ARMH3: variants seen among roughly 807,000 people sequenced by gnomAD.
ARMH3 encodes the protein armadillo like helical domain containing 3.
In ARMH3, 60 loss-of-function variants were observed where a neutral mutation model predicts 99.1. The ratio of observed to expected loss-of-function variants is 0.61; its 90% confidence interval spans 0.49 to 0.75. The LOEUF (loss-of-function observed/expected upper bound fraction) is 0.75, where lower values mean the gene tolerates loss of function less well. Ranked by LOEUF, ARMH3 falls within the 30% of genes least tolerant of loss-of-function variation. The pLI, the probability that ARMH3 is intolerant of heterozygous loss-of-function variation, is 0.00. For missense variants in ARMH3, 679 were observed against 843.1 expected, an observed-to-expected ratio of 0.81 and a Z score of 2.41; for synonymous variants, 285 against 292.8, an observed-to-expected ratio of 0.97 and a Z score of 0.27.
At chr10:101,951,475 A>G (rs890871647) in intron 22 of ARMH3, among the ~76,000 whole-genome samples, 1 of 152,218 alleles carries the variant, frequency 6.6e-6, no homozygotes, top group Non-Finnish European at 1.5e-5. Context: ...CAGGAGGCCA[A>G]GGTGGGAGGA....
In ARMH3 at chr10:102,016,250, C is replaced by G. The variant is rs117087097; in HGVS notation, c.670-2226G>C. Among the ~76,000 whole-genome samples, 410 of 152,308 alleles carry G rather than the reference C, an allele frequency of 2.7e-3. 2 individuals are homozygous for G. Among genetic ancestry groups the G allele is most frequent in the Non-Finnish European group, 4.4e-3 (300 of 68,032 alleles). ...TGTTAAGCATCCCTAATCCAAAAATCTGAAATACTCCAATGAGCACTTCCT... is the reference window on the plus strand; with the variant it reads ...TGTTAAGCATCCCTAATCCAAAAATGTGAAATACTCCAATGAGCACTTCCT... On this transcript the variant is annotated intron_variant, in intron 8 of 25. Coordinates refer to ENST00000370033, the MANE Select transcript of ARMH3 (RefSeq NM_024541.3).
At chr10:101,942,865 C>CA (rs1048644026) in intron 22 of ARMH3, among the ~76,000 whole-genome samples, 983 of 90,950 alleles carry the variant, frequency 0.011, 11 homozygotes, top group African/African-American at 0.034. Flanking sequence ...GACTCCATCT[C>CA]AAAAAAAAAA....
intron 16 of ARMH3, among the ~76,000 whole-genome samples, chr10:101,995,094 G>C (rs1368539077): frequency 6.6e-6 from 1 of 152,204 alleles, no homozygotes; most frequent in Non-Finnish European, 1.5e-5. Context: ...AAACAGCGTG[G>C]AAGCAGACAA....
intron 1 of ARMH3, among the ~76,000 whole-genome samples, chr10:102,044,091 CTTTTTTTTTT>C (rs778226635): frequency 2.9e-5 from 3 of 104,124 alleles, no homozygotes; most frequent in African/African-American, 1.1e-4. Flanking sequence ...TAATTTTTTT[CTTTTTTTTTT>C]TTTTTTTTTG....
intron 13 of ARMH3, among the ~76,000 whole-genome samples, chr10:102,008,718 A>T (rs903080962): frequency 2.0e-5 from 3 of 146,986 alleles, no homozygotes; most frequent in Admixed American, 1.4e-4. Context: ...ACGCCCAGCT[A>T]TTTTTTTTTT....
At chr10:102,005,380 CAAAAAAA>C (rs11344018) in intron 14 of ARMH3, among the ~76,000 whole-genome samples, 1 of 64,904 alleles carries the variant, frequency 1.5e-5, no homozygotes, top group African/African-American at 6.0e-5. Flanking sequence ...GACTCTGTCT[CAAAAAAA>C]AAAAAAAAAA....
chr10:101,984,774 T>C (rs928977084), intron 19 of ARMH3, among the ~76,000 whole-genome samples: 1 of 151,968 alleles, frequency 6.6e-6, no homozygotes, highest in African/African-American at 2.4e-5. Flanking sequence ...CTTAAAAATA[T>C]ATATATATAC....
chr10:101,913,359 CTCTTTTTTTTTTTT>C (rs1842946257), intron 23 of ARMH3: 1 of 101,930 alleles, frequency 9.8e-6, no homozygotes, highest in African/African-American at 3.6e-5. Flanking sequence ...CTCTCTCTCT[CTCTTTTTTTTTTTT>C]TTTTTTTTTT....
At chr10:102,050,576 C>A (rs1032322466) in intron 1 of ARMH3, among the ~76,000 whole-genome samples, 2 of 152,140 alleles carry the variant, frequency 1.3e-5, no homozygotes, top group African/African-American at 4.8e-5. Context: ...CAAGAAAAGT[C>A]ACCAAATGTG....
chr10:101,960,511 C>A (rs1427968659), intron 20 of ARMH3, among the ~76,000 whole-genome samples: 1 of 152,108 alleles, frequency 6.6e-6, no homozygotes, highest in African/African-American at 2.4e-5. Flanking sequence ...AAACTCCATG[C>A]CCCATTCCAC....
chr10:101,905,871 AC>A (rs986026850), intron 23 of ARMH3, among the ~76,000 whole-genome samples: 2 of 152,214 alleles, frequency 1.3e-5, no homozygotes, highest in Non-Finnish European at 2.9e-5. Flanking sequence ...AAGAATTATA[AC>A]TACCTTTCAA....
intron 24 of ARMH3, among the ~76,000 whole-genome samples, chr10:101,875,441 C>T (rs1326270575): frequency 1.3e-5 from 2 of 152,200 alleles, no homozygotes; most frequent in African/African-American, 4.8e-5. Flanking sequence ...TCTTAGACTA[C>T]AGATAGTTGT....
rs2066483257 is a variant in ARMH3 at position 101,847,207 on chromosome 10, G to A, written c.*321C>T. 7.5e-6 allele frequency: 2 copies of A among 266,788 alleles called. No individual in the cohort carries two copies. Among genetic ancestry groups the A allele is most frequent in the South Asian group, 4.9e-5 (1 of 20,290 alleles). 16.5% of individuals were successfully genotyped at this position (266,788 alleles called of 1,614,324 possible). On this transcript the variant is annotated 3_prime_UTR_variant, in exon 26 of 26. Coordinates refer to ENST00000370033, the MANE Select transcript of ARMH3 (RefSeq NM_024541.3). ...CCTGAGGCTTGCCTCACCAGCTCCC[G>A]AAAATTAGTCAGTAGCTACAGCTTG...
chr10:102,020,683 G>GAAA (rs897977927), intron 8 of ARMH3, among the ~76,000 whole-genome samples: 1 of 87,562 alleles, frequency 1.1e-5, no homozygotes, highest in African/African-American at 4.2e-5. Flanking sequence ...CTCCATCTCA[G>GAAA]AAAAAAAAAA....
intron 15 of ARMH3, among the ~76,000 whole-genome samples, chr10:102,000,999 T>C (rs1455990429): frequency 1.3e-5 from 2 of 152,036 alleles, no homozygotes; most frequent in Non-Finnish European, 2.9e-5. Flanking sequence ...GTATTTTTAG[T>C]ACAGACAAGG....
chr10:102,041,075 C>CATATATATATATATATAATATATATATAT (rs59281655), intron 1 of ARMH3, among the ~76,000 whole-genome samples: 1 of 132,008 alleles, frequency 7.6e-6, no homozygotes, highest in African/African-American at 2.7e-5. Flanking sequence ...ATTGTGTGTA[C>CATATATATATATATATAATATATATATAT]ATATATATAT....
intron 20 of ARMH3, among the ~76,000 whole-genome samples, chr10:101,966,990 A>G (rs1845571661): frequency 6.6e-6 from 1 of 152,184 alleles, no homozygotes; most frequent in African/African-American, 2.4e-5. Context: ...CCTCCAGGAG[A>G]GCACAAACTA....
At chr10:101,867,735 G>A (rs1276468619) in intron 24 of ARMH3, among the ~76,000 whole-genome samples, 1 of 152,024 alleles carries the variant, frequency 6.6e-6, no homozygotes, top group African/African-American at 2.4e-5. Flanking sequence ...GGGAGGCTGA[G>A]GTGGGAGGAT....
At position 101,846,006 on chromosome 10, in the gene ARMH3, C is replaced by G. The variant is rs1461284740; in HGVS notation, c.*1522G>C. The stretch of plus-strand genomic sequence containing the variant: ...AGAAAGTGCTTTAAAAAGGGAGGAT[C>G]TCGAAGCAGCAGCTATTTCAGAGGC... On this transcript the variant is annotated 3_prime_UTR_variant, in exon 26 of 26. Transcript: ENST00000370033. 6.6e-6 allele frequency: 1 copy of G among 152,260 alleles called. No individual in the cohort carries two copies. The highest frequency in any genetic ancestry group is 1.5e-5 in the Non-Finnish European group (1 of 68,082). The allele number at this position is 152,260 out of a possible 1,614,324, so 9.4% of individuals were successfully genotyped here. A position where few individuals can be genotyped will look rare whatever the true frequency, so the allele number is the denominator to read the frequency against.
Sources: allele counts gnomAD v4.1 joint callset (sites outside exome capture counted in the v4.1 genomes callset), GRCh38; gene constraint gnomAD v4.1.1; transcripts MANE v1.5; gene names NCBI Gene and HGNC (gene_info 2026-07-23, HGNC 2026-07-21).